The following PLK4 variants were observed in gnomAD, a reference collection of about 807,000 sequenced individuals.
PLK4 encodes polo like kinase 4.
Under a neutral mutation model 103.0 loss-of-function variants are expected in PLK4, and 51 were observed. The observed-to-expected ratio is 0.50, with a 90% CI of 0.40 to 0.63. PLK4 has a LOEUF of 0.63. Among genes scored for constraint, PLK4 ranks in the 20% least tolerant of loss-of-function variants. The pLI is 0.00. For missense variants in PLK4, 1,054 were observed against 1,151.0 expected (o/e 0.92, Z 1.22); for synonymous variants, 389 against 376.8 (o/e 1.03, Z -0.38).
chr4:127,892,560 TTAG>T (rs1483354736), intron 10 of PLK4, 46 bp downstream of exon 10: 2 of 1,498,210 alleles, frequency 1.3e-6, no homozygotes, highest in East Asian at 2.3e-5. Context: ...AGTTTGTAAT[TTAG>T]TAGTTACGTA....
intron 10 of PLK4, 41 bp from the exon 11 acceptor site, chr4:127,893,244 A>T (rs766958159): frequency 5.5e-6 from 7 of 1,264,394 alleles, no homozygotes; most frequent in East Asian, 2.4e-5. Flanking sequence ...GAATATTTTT[A>T]AAAAGGATAA....
At chr4:127,891,029 A>C (rs1010664266) in intron 7 of PLK4, 63 bp from the exon 8 acceptor site, 1 of 855,482 alleles carries the variant, frequency 1.2e-6, no homozygotes, top group Admixed American at 2.3e-5. Flanking sequence ...AGTATTATGT[A>C]TGTCAGAGCT....
chr4:127,889,971 C>T lies in PLK4; in HGVS notation c.1565C>T (p.Thr522Ile), dbSNP rs373445088. The T allele has an allele frequency of 1.2e-6, 2 of 1,613,964 alleles. No homozygotes were observed. Among genetic ancestry groups the T allele is most frequent in the South Asian group, 2.2e-5 (2 of 91,070 alleles). The change falls in exon 7 of 16, where the codon ACA (threonine) becomes ATA (isoleucine). Residue 522 changes from threonine to isoleucine, a missense_variant. By Grantham distance (89) the Thr-to-Ile change is moderately conservative (BLOSUM62 -1). This residue lies in a region of PLK4 where 680 missense variants were observed against 660.3 expected (regional missense o/e 1.03). Transcript: ENST00000270861. ...KDTSKNAWTD[T>I]KVKKNSDASD... ...ACATCAAAAAATGCCTGGACTGATACAAAAGTCAAAAAGAACTCTGATGCT... is the reference window on the plus strand; with the variant it reads ...ACATCAAAAAATGCCTGGACTGATATAAAAGTCAAAAAGAACTCTGATGCT...
chr4:127,884,897 G>A (rs1231807744), intron 4 of PLK4, among the ~76,000 whole-genome samples: 1 of 151,932 alleles, frequency 6.6e-6, no homozygotes, highest in African/African-American at 2.4e-5. Context: ...CTGAGATTGT[G>A]CCACTGCACT....
At chr4:127,882,886 C>T (rs1395691572) in intron 2 of PLK4, among the ~76,000 whole-genome samples, 1 of 151,894 alleles carries the variant, frequency 6.6e-6, no homozygotes, top group African/African-American at 2.4e-5. Flanking sequence ...TGCCACTGCA[C>T]TCCAGCCTAG....
At chr4:127,897,857 T>TTTTC (rs1735633955) in intron 15 of PLK4, among the ~76,000 whole-genome samples, 1 of 135,316 alleles carries the variant, frequency 7.4e-6, no homozygotes, top group African/African-American at 2.8e-5. Context: ...TTTTTTTTTT[T>TTTTC]TGAGACAGAG....
In PLK4 at chr4:127,889,667, C is replaced by T. The variant is rs74795152; in HGVS notation, c.1460-199C>T. 5.2e-3 allele frequency among the ~76,000 whole-genome samples: 785 copies of T among 152,222 alleles called. 8 individuals carry two copies. The highest frequency in any genetic ancestry group is 0.018 in the African/African-American group (756 of 41,552). ...TAGGAATACTAAAGGTATTTCTTCA[C>T]GATCTGGTTTAAAATGTTCTTTCAA... On this transcript the variant is annotated intron_variant, in intron 6 of 15. Coordinates refer to ENST00000270861, the MANE Select transcript of PLK4 (RefSeq NM_014264.5).
Position 127,883,536 on chromosome 4 carries a change from C to G in PLK4, c.320C>G (p.Pro107Arg). The change falls in exon 4 of 16, where the codon CCC (proline) becomes CGC (arginine). Residue 107 changes from proline (P) to arginine (R), a missense_variant. By Grantham distance (103) the Pro-to-Arg change is moderately radical. Around this residue, in one of 4 missense-constraint regions of PLK4, gnomAD observed 199 missense variants for 270.1 expected, o/e 0.74. Coordinates refer to ENST00000270861, the MANE Select transcript of PLK4 (RefSeq NM_014264.5). Reference sequence around the variant, plus strand: ...AGGTATCTAAAGAATAGAGTGAAACCCTTCTCAGAAAATGAAGGTAGGTGT... The same window carrying G: ...AGGTATCTAAAGAATAGAGTGAAACGCTTCTCAGAAAATGAAGGTAGGTGT... ...MNRYLKNRVKPFSENEARHFM... is the reference protein window; with the variant it reads ...MNRYLKNRVKRFSENEARHFM... 1 of 1,487,792 alleles carries G rather than the reference C, an allele frequency of 6.7e-7. No homozygotes were observed. The highest frequency in any genetic ancestry group is 9.3e-7 in the Non-Finnish European group (1 of 1,072,800). 92.2% of individuals were successfully genotyped at this position (1,487,792 alleles called of 1,614,324 possible). A position where few individuals can be genotyped will look rare whatever the true frequency, so the allele number is the denominator to read the frequency against.
chr4:127,881,451 C>A (rs1418116792), intron 1 of PLK4: 2 of 1,265,858 alleles, frequency 1.6e-6, no homozygotes, highest in Non-Finnish European at 2.1e-6. Flanking sequence ...CGCGTTAGAG[C>A]AGGGCAGGGC....
intron 2 of PLK4, 139 bp downstream of exon 2, chr4:127,882,065 G>C: frequency 1.7e-6 from 1 of 580,886 alleles, no homozygotes. Context: ...GAAGACAATA[G>C]TGCCAAGTCC....
At position 127,886,043 on chromosome 4, in the gene PLK4, T is replaced by A. The variant is rs541037349; in HGVS notation, c.673T>A (p.Leu225Met). ...TVKNTLNKVV[L>M]ADYEMPSFLS... ...CAAGAACACATTAAATAAAGTAGTA[T>A]TGGCAGATTATGAAATGCCATCTTT... is the stretch of plus-strand genomic sequence containing the variant. The change falls in exon 5 of 16, where the codon TTG becomes ATG. Residue 225 changes from leucine (L) to methionine (M), a missense_variant. Leu to Met is a conservative substitution (Grantham distance 15, BLOSUM62 2). Transcript: ENST00000270861. The A allele has an allele frequency of 6.2e-7, 1 of 1,614,046 alleles. No individual in the cohort carries two copies. Among genetic ancestry groups the A allele is most frequent in the East Asian group, 2.2e-5 (1 of 44,890 alleles).
In PLK4 at chr4:127,881,221, G is replaced by A. The variant is rs947716999; in HGVS notation, c.30+57G>A. 5.0e-5 allele frequency: 80 copies of A among 1,612,090 alleles called. No homozygotes were observed. The African/African-American group carries it at 9.5e-4, about 19-fold the overall frequency. On this transcript the variant is annotated intron_variant, in intron 1 of 15. Transcript: ENST00000270861. The stretch of plus-strand genomic sequence containing the variant: ...GGTGGGAGTAATTGTGGGAGGACAC[G>A]AGACCGCTGTGGGAAGGGGAGCGAA...
rs58551831 is a variant in PLK4 at position 127,895,211 on chromosome 4, T to C, written c.2703+118T>C. ...TAATGATATCTTTTTACAAGGAAGTTTTTGTACCTTTTAACATTGGTTATA... is the reference window on the plus strand; with the variant it reads ...TAATGATATCTTTTTACAAGGAAGTCTTTGTACCTTTTAACATTGGTTATA... On this transcript the variant is annotated intron_variant, in intron 14 of 15. Coordinates refer to ENST00000270861, the MANE Select transcript of PLK4 (RefSeq NM_014264.5). 1.8e-3 allele frequency: 1,181 copies of C among 672,312 alleles called. 13 individuals carry two copies. The African/African-American group carries it at 0.02, about 11-fold the overall frequency. 41.6% of individuals were successfully genotyped at this position (672,312 alleles called of 1,614,324 possible). A position where few individuals can be genotyped will look rare whatever the true frequency, so the allele number is the denominator to read the frequency against.
chr4:127,886,256 G>T lies in PLK4; in HGVS notation c.886G>T (p.Ala296Ser). 6.2e-7 allele frequency: 1 copy of T among 1,613,916 alleles called. No homozygotes were observed. The highest frequency in any genetic ancestry group is 8.5e-7 in the Non-Finnish European group (1 of 1,179,784). The change falls in exon 5 of 16, where the codon GCT becomes TCT. Residue 296 changes from alanine to serine, a missense_variant. Coordinates refer to ENST00000270861, the MANE Select transcript of PLK4 (RefSeq NM_014264.5). ...TGCCACAATTTCTACTGCAATTACAGCTTCTTCCAGTACCAGTATAAGTGG... is the reference window on the plus strand; with the variant it reads ...TGCCACAATTTCTACTGCAATTACATCTTCTTCCAGTACCAGTATAAGTGG... The part of the protein sequence containing the change: ...GHATISTAIT[A>S]SSSTSISGSL...
In PLK4 at chr4:127,893,723, T is replaced by C. The variant is rs781232868; in HGVS notation, c.2415-11T>C. 72 of 1,604,836 alleles carry C rather than the reference T, an allele frequency of 4.5e-5. No individual in the cohort carries two copies. Among genetic ancestry groups the C allele is most frequent in the Non-Finnish European group, 5.9e-5 (69 of 1,174,372 alleles). On this transcript the variant is annotated splice_polypyrimidine_tract_variant and intron_variant, in intron 12 of 15. Transcript: ENST00000270861. The stretch of plus-strand genomic sequence containing the variant: ...GCTTCAAGGGAATATATTTGGACTT[T>C]TCCCCTTCAGAAAACCTGGTAGTAC...
At chr4:127,887,116 TTG>T (rs1735165902) in intron 5 of PLK4, among the ~76,000 whole-genome samples, 1 of 152,092 alleles carries the variant, frequency 6.6e-6, no homozygotes, top group Non-Finnish European at 1.5e-5. Flanking sequence ...AGTGACTGTA[TTG>T]TGTGTTTTTT....
At position 127,893,395 on chromosome 4, in the gene PLK4, A is replaced by T. The variant is rs1422376029; in HGVS notation, c.2299A>T (p.Met767Leu). 2 of 1,608,984 alleles carry T rather than the reference A, an allele frequency of 1.2e-6. No homozygotes were observed. Among genetic ancestry groups the T allele is most frequent in the South Asian group, 1.1e-5 (1 of 90,238 alleles). The change falls in exon 11 of 16, where the codon ATG (methionine) becomes TTG (leucine). Residue 767 changes from methionine to leucine, a missense_variant. By Grantham distance (15) the Met-to-Leu change is conservative. This residue lies in a region of PLK4 where 680 missense variants were observed against 660.3 expected (regional missense o/e 1.03). Coordinates refer to ENST00000270861, the MANE Select transcript of PLK4 (RefSeq NM_014264.5). ...TAATAGCTTGAAAGAGGAGATAAAA[A>T]TGTATATGGACCATGCTAATGAGGT... Reference protein sequence around the residue: ...EVNSLKEEIKMYMDHANEGHR... With the variant: ...EVNSLKEEIKLYMDHANEGHR...
Position 127,886,738 on chromosome 4 carries a change from A to C in PLK4, c.1358+10A>C, listed in dbSNP as rs776029663. ...ATAACAATCAAGCACTGTAAGAATA[A>C]TTCTATCAGAGGCATTTTGTTTTTT... On this transcript the variant is annotated intron_variant, in intron 5 of 15. Transcript: ENST00000270861. The C allele has an allele frequency of 1.9e-6, 3 of 1,552,026 alleles. No homozygotes were observed. In the African/African-American group the frequency reaches 4.1e-5, roughly 21 times the overall value.
At chr4:127,890,908 C>T (rs561008248) in intron 7 of PLK4, 184 bp from the exon 8 acceptor site, 24 of 397,606 alleles carry the variant, frequency 6.0e-5, no homozygotes, top group African/African-American at 3.5e-4. Context: ...CTTAACTTTG[C>T]ACCATATGGT....
Sources: gnomAD v4.1 joint callset for allele counts (sites outside exome capture counted in the v4.1 genomes callset) on GRCh38, gnomAD v4.1.1 for gene constraint, gnomAD v4.1.1 regional missense constraint, MANE v1.5 for transcripts, NCBI Gene and HGNC (gene_info 2026-07-23, HGNC 2026-07-21) for gene names.